Variants in VAV3 observed in about 807,000 individuals in gnomAD.
VAV3 encodes the protein vav guanine nucleotide exchange factor 3.
A neutral mutation model predicts 131.2 loss-of-function variants in VAV3; 94 were observed. The ratio of observed to expected loss-of-function variants is 0.72; its 90% CI spans 0.61 to 0.85. The LOEUF (loss-of-function observed/expected upper bound fraction) is 0.85, where lower values mean the gene tolerates loss of function less well. VAV3 is among the 40% of genes least tolerant of loss of function. The pLI is 0.00. For synonymous variants in VAV3, 349 were observed against 342.0 expected (o/e 1.02, Z -0.22); for missense variants, 939 against 1,002.7 (o/e 0.94, Z 0.86).
intron 20 of VAV3, among the ~76,000 whole-genome samples, chr1:107,631,272 A>G (rs960166879): frequency 3.3e-5 from 5 of 151,988 alleles, no homozygotes; most frequent in Admixed American, 2.0e-4. Flanking sequence ...TTATCACTAA[A>G]CCTTTATAAC....
chr1:107,653,277 A>T (rs1656308217), intron 19 of VAV3, among the ~76,000 whole-genome samples: 1 of 151,810 alleles, frequency 6.6e-6, no homozygotes, highest in Admixed American at 6.6e-5. Context: ...TAGCTCAGAG[A>T]ACAACTATCA....
At chr1:107,754,641 T>C (rs926495224) in intron 12 of VAV3, among the ~76,000 whole-genome samples, 5 of 152,194 alleles carry the variant, frequency 3.3e-5, no homozygotes, top group South Asian at 2.1e-4. Flanking sequence ...CAATTCAGCA[T>C]ATTGGCCTAC....
chr1:107,912,317 A>G (rs1672409374), intron 1 of VAV3, among the ~76,000 whole-genome samples: 1 of 152,232 alleles, frequency 6.6e-6, no homozygotes, highest in Non-Finnish European at 1.5e-5. Flanking sequence ...ACCTCCAATA[A>G]GCTCAGGTTT....
intron 20 of VAV3, among the ~76,000 whole-genome samples, chr1:107,622,280 TA>T (rs1311824552): frequency 6.6e-6 from 1 of 152,162 alleles, no homozygotes; most frequent in African/African-American, 2.4e-5. Flanking sequence ...CATAATGAAT[TA>T]AAACTACTTC....
intron 2 of VAV3, among the ~76,000 whole-genome samples, chr1:107,784,275 T>C (rs889624741): frequency 3.3e-5 from 5 of 152,186 alleles, no homozygotes; most frequent in Admixed American, 1.3e-4. Context: ...TTCTACAGCA[T>C]GCTTTTGTCA....
intron 15 of VAV3, among the ~76,000 whole-genome samples, chr1:107,720,508 G>A (rs1001815445): frequency 3.4e-5 from 5 of 147,126 alleles, no homozygotes; most frequent in Non-Finnish European, 7.4e-5. Context: ...GAGAAACCCC[G>A]TGTCTACTAA....
At chr1:107,745,926 T>C (rs367838482) in intron 15 of VAV3, among the ~76,000 whole-genome samples, 1 of 152,212 alleles carries the variant, frequency 6.6e-6, no homozygotes, top group African/African-American at 2.4e-5. Flanking sequence ...GGGACTCGTG[T>C]TGATACTAAA....
intron 1 of VAV3, among the ~76,000 whole-genome samples, chr1:107,884,104 G>C (rs1040078163): frequency 6.7e-6 from 1 of 150,266 alleles, no homozygotes; most frequent in Admixed American, 6.6e-5. Flanking sequence ...CCAGAAGACA[G>C]CTAGCTCAAA....
chr1:107,852,156 C>A (rs560867636), intron 2 of VAV3, among the ~76,000 whole-genome samples: 3 of 152,036 alleles, frequency 2.0e-5, no homozygotes, highest in Non-Finnish European at 4.4e-5. Flanking sequence ...TAAGACTGTA[C>A]CTATACCTTT....
At chr1:107,577,698 C>G (rs969139294) in intron 25 of VAV3, among the ~76,000 whole-genome samples, 1 of 152,178 alleles carries the variant, frequency 6.6e-6, no homozygotes, top group Non-Finnish European at 1.5e-5. Flanking sequence ...GGAGGAAAGC[C>G]TCCCCTTCAG....
intron 21 of VAV3, among the ~76,000 whole-genome samples, chr1:107,612,937 G>A (rs1268303790): frequency 1.3e-5 from 2 of 152,102 alleles, no homozygotes; most frequent in Non-Finnish European, 2.9e-5. Context: ...ATAAAACAAA[G>A]AAACTCATCC....
intron 3 of VAV3, among the ~76,000 whole-genome samples, chr1:107,778,716 T>C (rs1012111928): frequency 2.0e-5 from 3 of 152,140 alleles, no homozygotes; most frequent in African/African-American, 7.2e-5. Context: ...GAGCACTGAA[T>C]AAAGAAGGTA....
chr1:107,821,563 T>G (rs1667791837), intron 2 of VAV3, among the ~76,000 whole-genome samples: 1 of 151,508 alleles, frequency 6.6e-6, no homozygotes, highest in South Asian at 2.1e-4. Flanking sequence ...GACTCAGAGG[T>G]GGGAGAAAGT....
At chr1:107,757,363 T>A in intron 10 of VAV3, 34 bp from the exon 11 acceptor site, 2 of 1,557,816 alleles carry the variant, frequency 1.3e-6, no homozygotes, top group Non-Finnish European at 1.7e-6. Context: ...ACTACTTTCA[T>A]CAAATTAAAA....
chr1:107,677,344 CTTTCA>C (rs1658282652), intron 19 of VAV3, among the ~76,000 whole-genome samples: 1 of 152,080 alleles, frequency 6.6e-6, no homozygotes. Context: ...CAGTTAGTTC[CTTTCA>C]TTTAAGTTAC....
chr1:107,572,353 T>A lies in VAV3; in HGVS notation c.*978A>T, dbSNP rs1649321576. On this transcript the variant is annotated 3_prime_UTR_variant, in exon 27 of 27. Transcript: ENST00000370056. The stretch of plus-strand genomic sequence containing the variant: ...AAGTTGTTTGTGCTCCAAGAAAATG[T>A]GGGAATAAAAAAATCATGTCCCAGG... The A allele has an allele frequency of 6.6e-6, 1 of 152,220 alleles. No homozygotes were observed. Among genetic ancestry groups the A allele is most frequent in the Non-Finnish European group, 1.5e-5 (1 of 68,056 alleles). 9.4% of individuals were successfully genotyped at this position (152,220 alleles called of 1,614,324 possible). A position where few individuals can be genotyped will look rare whatever the true frequency, so the allele number is the denominator to read the frequency against.
At chr1:107,582,684 T>C (rs1650156549) in intron 25 of VAV3, among the ~76,000 whole-genome samples, 2 of 151,276 alleles carry the variant, frequency 1.3e-5, no homozygotes, top group Non-Finnish European at 2.9e-5. Flanking sequence ...GTTCTCGCGA[T>C]AGTTTACTGA....
intron 19 of VAV3, chr1:107,668,611 G>A: frequency 1.0e-6 from 1 of 983,618 alleles, no homozygotes; most frequent in Non-Finnish European, 1.2e-6. Flanking sequence ...GAAATGTGTA[G>A]AATAAGAGAT....
chr1:107,674,417 C>G (rs540852898), intron 19 of VAV3, among the ~76,000 whole-genome samples: 1 of 152,078 alleles, frequency 6.6e-6, no homozygotes, highest in African/African-American at 2.4e-5. Flanking sequence ...TCAAAATTAA[C>G]AATGCATAAA....
Sources: allele counts gnomAD v4.1 joint callset (sites outside exome capture counted in the v4.1 genomes callset), GRCh38; gene constraint gnomAD v4.1.1; transcripts MANE v1.5; gene names NCBI Gene and HGNC (gene_info 2026-07-23, HGNC 2026-07-21).